GALNT17: variants seen among roughly 807,000 people sequenced by gnomAD.
The protein encoded by GALNT17 is UDP-GalNAc:polypeptide N-acetylgalactosaminyltransferase-like 3.
In GALNT17, 29 loss-of-function variants were observed where a neutral mutation model predicts 63.7. That is an observed-to-expected ratio of 0.46 (90% confidence interval 0.34 to 0.62). The LOEUF (loss-of-function observed/expected upper bound fraction) is 0.62, where lower values mean the gene tolerates loss of function less well. Ranked by LOEUF, GALNT17 falls within the 20% of genes least tolerant of loss-of-function variation. The probability of loss-of-function intolerance (pLI) is 0.01; values close to 1 mark genes in which losing one functional copy is unlikely to be tolerated. For missense variants in GALNT17, 603 were observed against 799.6 expected (o/e 0.75, Z 2.97); for synonymous variants, 305 against 318.3 (o/e 0.96, Z 0.45).
chr7:71,215,293 C>T (rs1789457301), intron 1 of GALNT17, among the ~76,000 whole-genome samples: 1 of 151,896 alleles, frequency 6.6e-6, no homozygotes. Flanking sequence ...TTTTTTTGCA[C>T]CTTGTTGTTG....
chr7:71,310,886 A>G (rs7792219), intron 1 of GALNT17, among the ~76,000 whole-genome samples: 3 of 151,962 alleles, frequency 2.0e-5, no homozygotes, highest in Non-Finnish European at 4.4e-5. Flanking sequence ...GGAGGAAGGG[A>G]TCTCAGGAAG....
chr7:71,349,989 C>T (rs1792162576), intron 2 of GALNT17, among the ~76,000 whole-genome samples: 1 of 152,162 alleles, frequency 6.6e-6, no homozygotes, highest in African/African-American at 2.4e-5. Flanking sequence ...CTGTGCGGTA[C>T]TAGAAACATA....
intron 1 of GALNT17, among the ~76,000 whole-genome samples, chr7:71,269,620 C>T (rs970629776): frequency 2.6e-5 from 4 of 152,304 alleles, no homozygotes; most frequent in Admixed American, 6.5e-5. Context: ...TCGACCCACA[C>T]GTGGGGCCTA....
At chr7:71,161,743 A>G (rs570311435) in intron 1 of GALNT17, among the ~76,000 whole-genome samples, 1 of 152,194 alleles carries the variant, frequency 6.6e-6, no homozygotes, top group South Asian at 2.1e-4. Context: ...GTTCACCACC[A>G]TTGGTTGGAT....
intron 1 of GALNT17, among the ~76,000 whole-genome samples, chr7:71,229,074 G>A (rs189834577): frequency 6.6e-6 from 1 of 152,206 alleles, no homozygotes; most frequent in African/African-American, 2.4e-5. Flanking sequence ...TTCCTTCACC[G>A]ACAGAGCAGT....
At chr7:71,642,306 A>G (rs1790615999) in intron 6 of GALNT17, among the ~76,000 whole-genome samples, 1 of 152,140 alleles carries the variant, frequency 6.6e-6, no homozygotes, top group Non-Finnish European at 1.5e-5. Context: ...TAAAAATGAA[A>G]TAAAATAATG....
At chr7:71,584,493 T>G (rs1334461326) in intron 6 of GALNT17, among the ~76,000 whole-genome samples, 5 of 152,190 alleles carry the variant, frequency 3.3e-5, no homozygotes, top group Non-Finnish European at 5.9e-5. Flanking sequence ...ATCGTCTCAT[T>G]CCATCTATAA....
chr7:71,624,535 CAGTA>C (rs1413563367), intron 6 of GALNT17, among the ~76,000 whole-genome samples: 3 of 151,850 alleles, frequency 2.0e-5, no homozygotes, highest in African/African-American at 7.3e-5. Context: ...ATGGTTTCAT[CAGTA>C]AGTGTCATTC....
intron 5 of GALNT17, among the ~76,000 whole-genome samples, chr7:71,498,250 C>T (rs377657317): frequency 2.6e-5 from 4 of 152,064 alleles, no homozygotes; most frequent in Non-Finnish European, 2.9e-5. Flanking sequence ...CTGAGGTGGG[C>T]GGATCACTTG....
intron 1 of GALNT17, among the ~76,000 whole-genome samples, chr7:71,186,262 C>T (rs1487439662): frequency 6.6e-6 from 1 of 152,184 alleles, no homozygotes; most frequent in Non-Finnish European, 1.5e-5. Context: ...CCCCTTTCCC[C>T]TTTATCCTCT....
At chr7:71,179,424 G>T (rs146343125) in intron 1 of GALNT17, among the ~76,000 whole-genome samples, 1 of 152,332 alleles carries the variant, frequency 6.6e-6, no homozygotes, top group African/African-American at 2.4e-5. Flanking sequence ...CATGTCATCA[G>T]GACCTCCTGA....
intron 6 of GALNT17, among the ~76,000 whole-genome samples, chr7:71,650,494 G>A (rs1584112718): frequency 1.3e-5 from 2 of 152,228 alleles, no homozygotes; most frequent in South Asian, 4.1e-4. Context: ...CAAAGTGCTG[G>A]GATTACAGGT....
chr7:71,526,242 G>A (rs888129086), intron 5 of GALNT17, among the ~76,000 whole-genome samples: 1 of 152,066 alleles, frequency 6.6e-6, no homozygotes, highest in African/African-American at 2.4e-5. Flanking sequence ...TGCCGCTTAC[G>A]CACAGGACCA....
intron 1 of GALNT17, among the ~76,000 whole-genome samples, chr7:71,314,866 G>A (rs922687007): frequency 1.3e-5 from 2 of 152,136 alleles, no homozygotes; most frequent in African/African-American, 2.4e-5. Flanking sequence ...TGATTGCACA[G>A]ACACTGCACT....
chr7:71,297,262 G>C (rs769789600), intron 1 of GALNT17, among the ~76,000 whole-genome samples: 8 of 152,202 alleles, frequency 5.3e-5, no homozygotes, highest in African/African-American at 9.6e-5. Context: ...GACGCCTGGG[G>C]CCGGGCACAG....
intron 1 of GALNT17, among the ~76,000 whole-genome samples, chr7:71,219,476 TG>T (rs1196593982): frequency 6.6e-6 from 1 of 152,214 alleles, no homozygotes; most frequent in African/African-American, 2.4e-5. Flanking sequence ...GTTGATCACT[TG>T]CTTTTTATTC....
chr7:71,486,336 A>G, intron 5 of GALNT17, among the ~76,000 whole-genome samples: 1 of 522 alleles, frequency 1.9e-3, no homozygotes, highest in Admixed American at 0.014. Flanking sequence ...CTGTCTGAAA[A>G]TAATAATAAT....
At chr7:71,184,259 A>G (rs1165755899) in intron 1 of GALNT17, among the ~76,000 whole-genome samples, 1 of 152,162 alleles carries the variant, frequency 6.6e-6, no homozygotes, top group Non-Finnish European at 1.5e-5. Context: ...TCTGTTGTTC[A>G]AGCCACACAG....
intron 5 of GALNT17, among the ~76,000 whole-genome samples, chr7:71,453,033 G>A (rs1194661475): frequency 6.6e-6 from 1 of 152,126 alleles, no homozygotes; most frequent in Non-Finnish European, 1.5e-5. Context: ...TGGTGGTTTA[G>A]TAAGTCCCAG....
Sources: gnomAD v4.1 joint callset for allele counts (sites outside exome capture counted in the v4.1 genomes callset) on GRCh38, gnomAD v4.1.1 for gene constraint, MANE v1.5 for transcripts, NCBI Gene and HGNC (gene_info 2026-07-23, HGNC 2026-07-21) for gene names.